Variants in ATXN2 observed in about 807,000 individuals in gnomAD.
The protein encoded by ATXN2 is ataxin-2.
ATXN2 carries 37 observed loss-of-function variants against 138.6 expected under a neutral mutation model. The observed-to-expected ratio is 0.27, with a 90% confidence interval of 0.21 to 0.35. ATXN2 has a LOEUF of 0.35. Ranked by LOEUF, ATXN2 falls within the 10% of genes least tolerant of loss-of-function variation. ATXN2 has a pLI of 1.00. For synonymous variants in ATXN2, 549 were observed against 543.7 expected (o/e 1.01, Z -0.13); for missense variants, 1,216 against 1,480.3 (o/e 0.82, Z 2.93).
chr12:111,560,189 CTCAGAT>C (rs1373848718), intron 1 of ATXN2, among the ~76,000 whole-genome samples: 3 of 152,074 alleles, frequency 2.0e-5, no homozygotes, highest in Middle Eastern at 3.2e-3. Context: ...ATTTCACATC[CTCAGAT>C]TCAATCACTC....
At chr12:111,524,999 C>G (rs2135746765) in intron 6 of ATXN2, among the ~76,000 whole-genome samples, 193 bp downstream of exon 6, 1 of 152,248 alleles carries the variant, frequency 6.6e-6, no homozygotes, top group East Asian at 1.9e-4. Flanking sequence ...CCTGCTTAAC[C>G]CCTACAAGTA....
intron 21 of ATXN2, among the ~76,000 whole-genome samples, chr12:111,458,795 G>A (rs574199963): frequency 3.3e-4 from 51 of 152,350 alleles, no homozygotes; most frequent in African/African-American, 1.1e-3. Context: ...CAAGGCTGCC[G>A]AGTCACCAGC....
intron 1 of ATXN2, among the ~76,000 whole-genome samples, chr12:111,577,227 G>T (rs752463475): frequency 2.6e-5 from 4 of 151,974 alleles, no homozygotes; most frequent in Non-Finnish European, 5.9e-5. Context: ...AAGTCAGATC[G>T]CAAATAAACA....
At chr12:111,470,350 T>A in intron 19 of ATXN2, 110 bp from the exon 20 acceptor site, 1 of 1,353,140 alleles carries the variant, frequency 7.4e-7, no homozygotes, top group Non-Finnish European at 1.0e-6. Flanking sequence ...GAAACAGCTG[T>A]AAACTCTCAA....
chr12:111,566,975 G>A (rs1169171658), intron 1 of ATXN2, among the ~76,000 whole-genome samples: 3 of 152,034 alleles, frequency 2.0e-5, no homozygotes, highest in African/African-American at 7.2e-5. Context: ...GATTTTGAGG[G>A]GTTCAGGACT....
chr12:111,456,801 G>A (rs1163022826), intron 22 of ATXN2, among the ~76,000 whole-genome samples: 1 of 151,866 alleles, frequency 6.6e-6, no homozygotes, highest in Admixed American at 6.6e-5. Context: ...AAGCTGGAGT[G>A]CAGTGGCGCG....
chr12:111,474,940 G>A (rs1414643733), intron 18 of ATXN2, among the ~76,000 whole-genome samples: 3 of 152,134 alleles, frequency 2.0e-5, no homozygotes, highest in South Asian at 2.1e-4. Flanking sequence ...AAGGCCGGGC[G>A]CAGTGGCTCA....
At chr12:111,467,207 ATGATAGCTCAC>A (rs1876087498) in intron 20 of ATXN2, among the ~76,000 whole-genome samples, 1 of 150,630 alleles carries the variant, frequency 6.6e-6, no homozygotes, top group Non-Finnish European at 1.5e-5. Flanking sequence ...CAGTGGTGCC[ATGATAGCTCAC>A]TGTAGCCTCA....
intron 5 of ATXN2, among the ~76,000 whole-genome samples, chr12:111,531,122 T>C (rs1038148622): frequency 6.7e-6 from 1 of 150,194 alleles, no homozygotes. Context: ...CTGTTTAAAA[T>C]TAAATCAACA....
intron 18 of ATXN2, among the ~76,000 whole-genome samples, chr12:111,484,434 GT>G (rs1566018234): frequency 1.3e-5 from 2 of 151,292 alleles, no homozygotes; most frequent in African/African-American, 4.9e-5. Context: ...TTTGTTTTTT[GT>G]TTGTTTGTTT....
chr12:111,488,420 T>C, intron 15 of ATXN2, 56 bp downstream of exon 15: 2 of 1,080,078 alleles, frequency 1.9e-6, no homozygotes, highest in Non-Finnish European at 2.5e-6. Context: ...TAAATGCCTT[T>C]AAAAAAAAAA....
intron 14 of ATXN2, among the ~76,000 whole-genome samples, chr12:111,499,631 A>G (rs889743481): frequency 6.6e-6 from 1 of 151,732 alleles, no homozygotes; most frequent in African/African-American, 2.4e-5. Context: ...CCAAGATCAC[A>G]CCACTACGCT....
chr12:111,598,261 G>A lies in ATXN2; in HGVS notation c.251+523C>T, dbSNP rs1885039431. 2.9e-6 allele frequency: 3 copies of A among 1,022,908 alleles called. No homozygotes were observed. Among genetic ancestry groups the A allele is most frequent in the Non-Finnish European group, 2.3e-6 (2 of 851,816 alleles). 63.4% of individuals were successfully genotyped at this position (1,022,908 alleles called of 1,614,324 possible). A position where few individuals can be genotyped will look rare whatever the true frequency, so the allele number is the denominator to read the frequency against. ...GACAGACCCTGATGATTCCGGAGGA[G>A]CCCGGTGCCTACCCCTTTAACCGGC... On this transcript the variant is annotated intron_variant, in intron 1 of 24. Coordinates refer to ENST00000673436, the MANE Select transcript of ATXN2 (RefSeq NM_001372574.1). The surrounding 1 kb of genome is among the most constrained non-coding windows in gnomAD (Gnocchi z 4.5).
chr12:111,555,094 T>G (rs995863590), intron 2 of ATXN2, among the ~76,000 whole-genome samples: 1 of 152,204 alleles, frequency 6.6e-6, no homozygotes, highest in African/African-American at 2.4e-5. Flanking sequence ...CGGTTCAATT[T>G]CATTGATAAC....
Position 111,452,655 on chromosome 12 carries a change from G to GC in ATXN2, c.*156dup. On this transcript the variant is annotated 3_prime_UTR_variant, in exon 25 of 25. Coordinates refer to ENST00000673436, the MANE Select transcript of ATXN2 (RefSeq NM_001372574.1). ...CTACTCGGTCCAAGTATCTTCCACTGCAAGTGAACTGTTAGCATTCCTATT... is the reference window on the plus strand; with the variant it reads ...CTACTCGGTCCAAGTATCTTCCACTGCCAAGTGAACTGTTAGCATTCCTATT... 1.2e-6 allele frequency: 1 copy of GC among 855,232 alleles called. No individual in the cohort carries two copies. The highest frequency in any genetic ancestry group is 1.6e-5 in the South Asian group (1 of 63,656). The allele number at this position is 855,232 out of a possible 1,614,324, so 53.0% of individuals were successfully genotyped here. A position where few individuals can be genotyped will look rare whatever the true frequency, so the allele number is the denominator to read the frequency against.
intron 18 of ATXN2, among the ~76,000 whole-genome samples, chr12:111,477,009 C>T (rs879508338): frequency 6.6e-6 from 1 of 151,962 alleles, no homozygotes; most frequent in Non-Finnish European, 1.5e-5. Flanking sequence ...CAAAACAGTT[C>T]ACAAATAGAC....
Position 111,520,887 on chromosome 12 carries a change from C to A in ATXN2, c.783G>T (p.Ser261=). 6.4e-7 allele frequency: 1 copy of A among 1,552,692 alleles called. No homozygotes were observed. The highest frequency in any genetic ancestry group is 1.9e-5 in the Admixed American group (1 of 52,074). Reference sequence around the variant, plus strand: ...AACAAACTTTTCAAACTTACGTATACGAAGATAAACTGCTATCATACGTAG... The same window carrying A: ...AACAAACTTTTCAAACTTACGTATAAGAAGATAAACTGCTATCATACGTAG... The part of the protein sequence containing the change: ...VVSTYDSSLS[S]YTVPLERDNS... The change falls in exon 7 of 25, where the codon TCG becomes TCT. Residue 261 remains serine (S), a synonymous_variant. Transcript: ENST00000673436.
In ATXN2 at chr12:111,462,752, C is replaced by G. The variant is rs928002065; in HGVS notation, c.2896+1910G>C. On this transcript the variant is annotated intron_variant, in intron 21 of 24. Coordinates refer to ENST00000673436, the MANE Select transcript of ATXN2 (RefSeq NM_001372574.1). ...CAGGAAAACAACACCAAACTACTAA[C>G]AGAGACAGTAAGATGGTGAGGATAA... Among the ~76,000 whole-genome samples the G allele has an allele frequency of 2.8e-4, 42 of 152,144 alleles. 1 individual carries two copies. The highest frequency in any genetic ancestry group is 4.4e-5 in the Non-Finnish European group (3 of 68,032).
chr12:111,510,047 A>C, intron 12 of ATXN2, 49 bp from the exon 13 acceptor site: 1 of 1,248,268 alleles, frequency 8.0e-7, no homozygotes, highest in Non-Finnish European at 1.1e-6. Flanking sequence ...GAAAAGCAAA[A>C]CAAGAAAACA....
Sources: gnomAD v4.1 joint callset for allele counts (sites outside exome capture counted in the v4.1 genomes callset) on GRCh38, gnomAD v4.1.1 for gene constraint, Gnocchi (gnomAD v3.1) non-coding constraint, MANE v1.5 for transcripts, NCBI Gene and HGNC (gene_info 2026-07-23, HGNC 2026-07-21) for gene names.